Variants in HHIPL1 observed in about 807,000 individuals in gnomAD.
HHIPL1 encodes HHIP like 1.
In HHIPL1, 43 loss-of-function variants were observed where a neutral mutation model predicts 61.8. That is an observed-to-expected ratio of 0.70 (90% CI 0.55 to 0.90). HHIPL1 has a LOEUF of 0.90. HHIPL1 is among the 40% of genes least tolerant of loss of function. HHIPL1 has a pLI of 0.00. For missense variants in HHIPL1, 1,056 were observed against 1,157.7 expected, an observed-to-expected ratio of 0.91 and a Z score of 1.28; for synonymous variants, 482 against 515.8, an observed-to-expected ratio of 0.93 and a Z score of 0.89.
chr14:99,623,120 G>A, the HHIPL1 span, among the ~76,000 whole-genome samples: 278 of 152,320 alleles, frequency 1.8e-3, 3 homozygotes, highest in South Asian at 0.04. Context: ...CTGGGGAAGA[G>A]CACCCTAGGA....
the HHIPL1 span, among the ~76,000 whole-genome samples, chr14:99,611,105 T>C: frequency 2.0e-5 from 3 of 152,220 alleles, no homozygotes; most frequent in Non-Finnish European, 4.4e-5. Context: ...ATATTACCTT[T>C]ACTTTTCTCC....
the HHIPL1 span, among the ~76,000 whole-genome samples, chr14:99,617,301 T>A: frequency 6.6e-6 from 1 of 152,130 alleles, no homozygotes; most frequent in African/African-American, 2.4e-5. Context: ...TGACCAGCTG[T>A]TAACTAAGAA....
In HHIPL1 at chr14:99,652,513, T is replaced by C; in HGVS notation, c.545T>C (p.Leu182Pro). The C allele has an allele frequency of 6.2e-7, 1 of 1,613,646 alleles. No homozygotes were observed. Among genetic ancestry groups the C allele is most frequent in the Non-Finnish European group, 8.5e-7 (1 of 1,180,032 alleles). ...GHVVADAKGC[L>P]QLCLEEVANG... ...GTGGTAGCCGATGCCAAGGGCTGCC[T>C]GCAGCTGTGCCTGGAGGAGGTGGCC... Residue 182 changes from leucine (L) to proline (P), a missense_variant, in exon 2 of 9, where the codon CTG (leucine) becomes CCG (proline). Transcript: ENST00000330710.
upstream of HHIPL1, among the ~76,000 whole-genome samples, chr14:99,643,698 C>T (rs1358067419): frequency 2.0e-5 from 3 of 152,232 alleles, no homozygotes; most frequent in East Asian, 5.8e-4. Context: ...TTGCAGGCCG[C>T]ATTTCCCACC....
upstream of HHIPL1, among the ~76,000 whole-genome samples, chr14:99,644,643 GC>G (rs1209548787): frequency 6.6e-6 from 1 of 152,140 alleles, no homozygotes; most frequent in Admixed American, 6.5e-5. Flanking sequence ...CTGGGAAGAA[GC>G]CCACAGTAAG....
At chr14:99,667,867 A>G (rs2056271028) in intron 6 of HHIPL1, among the ~76,000 whole-genome samples, 1 of 152,124 alleles carries the variant, frequency 6.6e-6, no homozygotes, top group Non-Finnish European at 1.5e-5. Flanking sequence ...TAGCCCCCTC[A>G]TGTGCGCCCA....
the HHIPL1 span, among the ~76,000 whole-genome samples, chr14:99,607,021 C>CTTTTTTTTTTTT: frequency 1.5e-5 from 1 of 68,404 alleles, no homozygotes; most frequent in Non-Finnish European, 2.4e-5. Context: ...GTGACTTTGC[C>CTTTTTTTTTTTT]TTTTTTTTTT....
At chr14:99,657,438 G>C (rs2056067114) in intron 3 of HHIPL1, among the ~76,000 whole-genome samples, 1 of 152,206 alleles carries the variant, frequency 6.6e-6, no homozygotes, top group Non-Finnish European at 1.5e-5. Context: ...AGGTGCATTA[G>C]CGAGCCTCAG....
the HHIPL1 span, among the ~76,000 whole-genome samples, chr14:99,611,599 T>TG: frequency 1.6e-4 from 24 of 146,668 alleles, no homozygotes; most frequent in Admixed American, 9.7e-4. Context: ...TTTTTTTTTT[T>TG]TTTTTTTAAA....
chr14:99,605,160 A>G, the HHIPL1 span, among the ~76,000 whole-genome samples: 15 of 152,086 alleles, frequency 9.9e-5, no homozygotes, highest in Admixed American at 9.8e-4. Context: ...GGGATTCGGG[A>G]GATAATCTGC....
intron 1 of HHIPL1, among the ~76,000 whole-genome samples, chr14:99,651,419 G>A (rs2055927929): frequency 6.6e-6 from 1 of 152,166 alleles, no homozygotes; most frequent in Non-Finnish European, 1.5e-5. Flanking sequence ...GAAAGTAAAG[G>A]GGAGGCGGCA....
chr14:99,671,891 G>A (rs2056329895), intron 7 of HHIPL1, among the ~76,000 whole-genome samples: 1 of 152,194 alleles, frequency 6.6e-6, no homozygotes, highest in Non-Finnish European at 1.5e-5. Context: ...GAGGGGCAGA[G>A]AGAGACCCTC....
At chr14:99,637,099 GGAAA>G in the HHIPL1 span, among the ~76,000 whole-genome samples, 1 of 74,900 alleles carries the variant, frequency 1.3e-5, no homozygotes, top group South Asian at 4.0e-4. Context: ...AAAGAAGGAA[GGAAA>G]AAAGAAAGAA....
At position 99,668,127 on chromosome 14, in the gene HHIPL1, A is replaced by G. The variant is rs1322540923; in HGVS notation, c.1649-95A>G. Reference sequence around the variant, plus strand: ...TGATGGCTAGCTGGGGTTGGGGTCTATTTCCAAGCCTGCAGGGAGCCGGGT... The same window carrying G: ...TGATGGCTAGCTGGGGTTGGGGTCTGTTTCCAAGCCTGCAGGGAGCCGGGT... On this transcript the variant is annotated intron_variant, in intron 6 of 8. Coordinates refer to ENST00000330710, the MANE Select transcript of HHIPL1 (RefSeq NM_001127258.3). The surrounding 1 kb of genome is among the most constrained non-coding windows in gnomAD (Gnocchi z 4.7). The G allele has an allele frequency of 3.8e-6, 3 of 789,902 alleles. No individual in the cohort carries two copies. The highest frequency in any genetic ancestry group is 3.4e-5 in the African/African-American group (2 of 59,286). 48.9% of individuals were successfully genotyped at this position (789,902 alleles called of 1,614,324 possible).
rs548314465 is a variant in HHIPL1, at chr14:99,675,306, C to G, written c.2029C>G (p.Arg677Gly). 2 of 1,327,032 alleles carry G rather than the reference C, an allele frequency of 1.5e-6. No homozygotes were observed. The highest frequency in any genetic ancestry group is 9.6e-7 in the Non-Finnish European group (1 of 1,039,318). The allele number at this position is 1,327,032 out of a possible 1,614,324, so 82.2% of individuals were successfully genotyped here. A position where few individuals can be genotyped will look rare whatever the true frequency, so the allele number is the denominator to read the frequency against. ...CCGGGATGGCGAGGTGCGCCTGGTG[C>G]GGCCCGCGGGCCTGAGCTCTGGCAG... ...AFRDGEVRLV[R>G]PAGLSSGSGR... Residue 677 changes from arginine to glycine, a missense_variant, in exon 9 of 9, where the codon CGG (arginine) becomes GGG (glycine). Arg to Gly is a moderately radical substitution (Grantham distance 125). Coordinates refer to ENST00000330710, the MANE Select transcript of HHIPL1 (RefSeq NM_001127258.3). This position sits in a 1 kb window ranked among gnomAD's most constrained non-coding sequence, Gnocchi z 5.4.
In HHIPL1 at chr14:99,675,831, G is replaced by A. The variant is rs2056386108; in HGVS notation, c.*205G>A. 1 of 474,386 alleles carries A rather than the reference G, an allele frequency of 2.1e-6. No homozygotes were observed. The allele number at this position is 474,386 out of a possible 1,614,324, so 29.4% of individuals were successfully genotyped here. A position where few individuals can be genotyped will look rare whatever the true frequency, so the allele number is the denominator to read the frequency against. ...AGGAGTGTGTGTTGGGGGCGGTGTG[G>A]GCTCTGGAAGTGCATGGTCCATCAT... On this transcript the variant is annotated 3_prime_UTR_variant, in exon 9 of 9. Transcript: ENST00000330710. The surrounding 1 kb of genome is among the most constrained non-coding windows in gnomAD (Gnocchi z 5.4).
In HHIPL1 at chr14:99,668,773, C is replaced by A; in HGVS notation, c.1730+470C>A. ...CCTTCCTCCTGTGGTCCATCTTCCA[C>A]TGGGGAAAACACATTGGGGCTCCCT... On this transcript the variant is annotated intron_variant, in intron 7 of 8. Transcript: ENST00000330710. This position sits in a 1 kb window ranked among gnomAD's most constrained non-coding sequence, Gnocchi z 4.7. 6.3e-7 allele frequency: 1 copy of A among 1,590,400 alleles called. No homozygotes were observed. The highest frequency in any genetic ancestry group is 1.1e-5 in the South Asian group (1 of 90,642).
At chr14:99,647,131 G>A (rs1292291303) in intron 1 of HHIPL1, among the ~76,000 whole-genome samples, 2 of 152,092 alleles carry the variant, frequency 1.3e-5, no homozygotes, top group Non-Finnish European at 2.9e-5. Context: ...GACCACACTC[G>A]CTGAAGCGAG....
At chr14:99,627,823 G>A in the HHIPL1 span, among the ~76,000 whole-genome samples, 1 of 152,188 alleles carries the variant, frequency 6.6e-6, no homozygotes, top group Non-Finnish European at 1.5e-5. This position sits in a 1 kb window ranked among gnomAD's most constrained non-coding sequence, Gnocchi z 4.4. Context: ...ACAAATGCAG[G>A]ATGAGAAAGG....
Sources: gnomAD v4.1 joint callset for allele counts (sites outside exome capture counted in the v4.1 genomes callset) on GRCh38, gnomAD v4.1.1 for gene constraint, Gnocchi (gnomAD v3.1) non-coding constraint, MANE v1.5 for transcripts, NCBI Gene and HGNC (gene_info 2026-07-23, HGNC 2026-07-21) for gene names.